MDFIC2: variants seen among roughly 807,000 people sequenced by gnomAD.
The protein encoded by MDFIC2 is myoD family inhibitor domain-containing protein 2.
At chr3:70,268,265 G>A (rs1281056501) in intron 2 of MDFIC2, among the ~76,000 whole-genome samples, 1 of 152,074 alleles carries the variant, frequency 6.6e-6, no homozygotes, top group African/African-American at 2.4e-5. Context: ...GAGCGCAGAA[G>A]TTCGCGACCA....
At chr3:70,311,659 C>G (rs918367906) in intron 2 of MDFIC2, among the ~76,000 whole-genome samples, 4 of 151,920 alleles carry the variant, frequency 2.6e-5, no homozygotes, top group Non-Finnish European at 5.9e-5. Flanking sequence ...ACAAAGTAAT[C>G]TATGTTTCCT....
At chr3:70,277,129 G>T (rs1162597634) in intron 2 of MDFIC2, among the ~76,000 whole-genome samples, 1 of 152,132 alleles carries the variant, frequency 6.6e-6, no homozygotes, top group African/African-American at 2.4e-5. Flanking sequence ...GTGATTAGGT[G>T]AGACCTCGGC....
At chr3:70,274,056 C>CGTGT (rs111792704) in intron 2 of MDFIC2, among the ~76,000 whole-genome samples, 18,773 of 142,688 alleles carry the variant, frequency 0.13, 1,320 homozygotes, top group Non-Finnish European at 0.16. Flanking sequence ...ATTAAACCTC[C>CGTGT]GTGTGTGTGT....
At chr3:70,303,334 G>A (rs1320882842) in intron 2 of MDFIC2, among the ~76,000 whole-genome samples, 1 of 152,126 alleles carries the variant, frequency 6.6e-6, no homozygotes, top group African/African-American at 2.4e-5. Flanking sequence ...GCTAACCCAG[G>A]AGTCAGACTC....
Position 70,211,180 on chromosome 3 carries a change from CT to C in MDFIC2, c.89-4391del, listed in dbSNP as rs528836973. On this transcript the variant is annotated intron_variant, in intron 2 of 3. Transcript: ENST00000567252. ...TTCTTTTCCCATTTTCCTTTCCCTT[CT>C]TTTTTCTTTTCCTTTTCCTTTCCCC... Among the ~76,000 whole-genome samples, 839 of 152,062 alleles carry C rather than the reference CT, an allele frequency of 5.5e-3. 5 individuals carry two copies. The highest frequency in any genetic ancestry group is 0.019 in the African/African-American group (806 of 41,500).
intron 2 of MDFIC2, among the ~76,000 whole-genome samples, chr3:70,240,746 C>A (rs911128538): frequency 6.6e-6 from 1 of 152,030 alleles, no homozygotes; most frequent in African/African-American, 2.4e-5. Context: ...TTATTCTGCA[C>A]GAGAAGACAG....
intron 2 of MDFIC2, among the ~76,000 whole-genome samples, chr3:70,222,877 G>A (rs959712790): frequency 7.9e-5 from 12 of 152,140 alleles, no homozygotes; most frequent in Non-Finnish European, 1.6e-4. Context: ...CTATTGTCAA[G>A]GTCAATCTGA....
intron 2 of MDFIC2, among the ~76,000 whole-genome samples, chr3:70,303,343 T>C (rs1014354002): frequency 2.6e-5 from 4 of 152,140 alleles, no homozygotes; most frequent in Admixed American, 2.0e-4. Context: ...GGAGTCAGAC[T>C]CATGGCCAAA....
intron 2 of MDFIC2, among the ~76,000 whole-genome samples, chr3:70,287,991 G>C (rs1366298189): frequency 2.0e-5 from 3 of 151,564 alleles, no homozygotes; most frequent in Non-Finnish European, 2.9e-5. Flanking sequence ...CTCTTTTGTT[G>C]ATCCTTTCAA....
intron 2 of MDFIC2, among the ~76,000 whole-genome samples, chr3:70,309,490 A>G (rs1702436663): frequency 2.6e-5 from 4 of 152,192 alleles, no homozygotes; most frequent in Admixed American, 1.3e-4. Flanking sequence ...CTCATAAAGC[A>G]AGCATTCTAG....
At chr3:70,206,524 G>T (rs545307606) in intron 3 of MDFIC2, 45 bp downstream of exon 3, 3 of 397,118 alleles carry the variant, frequency 7.6e-6, no homozygotes, top group African/African-American at 4.1e-5. Context: ...GGGGATGGGG[G>T]TTGGGAGCTT....
At chr3:70,311,176 A>C (rs932916469) in intron 2 of MDFIC2, among the ~76,000 whole-genome samples, 3 of 152,210 alleles carry the variant, frequency 2.0e-5, no homozygotes, top group Non-Finnish European at 4.4e-5. Flanking sequence ...TCCTTTTACA[A>C]TATAATAGAT....
chr3:70,215,970 T>C (rs1009360882), intron 2 of MDFIC2, among the ~76,000 whole-genome samples: 1 of 152,104 alleles, frequency 6.6e-6, no homozygotes, highest in African/African-American at 2.4e-5. Flanking sequence ...CATCTTGGTA[T>C]TTTATTTTGA....
intron 2 of MDFIC2, among the ~76,000 whole-genome samples, chr3:70,299,020 G>A (rs1702319122): frequency 6.6e-6 from 1 of 152,132 alleles, no homozygotes; most frequent in Non-Finnish European, 1.5e-5. Flanking sequence ...GAAAAGTAAG[G>A]TGTGAGGATC....
chr3:70,201,992 ATC>A (rs1302675655), intron 3 of MDFIC2, among the ~76,000 whole-genome samples: 2 of 152,110 alleles, frequency 1.3e-5, no homozygotes, highest in Non-Finnish European at 2.9e-5. Flanking sequence ...CTTTGCTTTT[ATC>A]TCTCTCTGAA....
intron 2 of MDFIC2, among the ~76,000 whole-genome samples, chr3:70,253,585 T>G (rs533742203): frequency 6.6e-6 from 1 of 152,212 alleles, no homozygotes; most frequent in Non-Finnish European, 1.5e-5. Flanking sequence ...TAGCCAGGTG[T>G]GGTGATGCAC....
At chr3:70,222,261 T>C (rs1701466971) in intron 2 of MDFIC2, among the ~76,000 whole-genome samples, 1 of 152,186 alleles carries the variant, frequency 6.6e-6, no homozygotes, top group South Asian at 2.1e-4. Context: ...TTTTGGCAAC[T>C]GGAGATGAAG....
At chr3:70,232,316 C>G (rs560333611) in intron 2 of MDFIC2, among the ~76,000 whole-genome samples, 1 of 152,252 alleles carries the variant, frequency 6.6e-6, no homozygotes, top group Admixed American at 6.5e-5. Context: ...CATCTTCAAC[C>G]TTTATCCTCA....
chr3:70,216,593 A>G (rs1372317658), intron 2 of MDFIC2, among the ~76,000 whole-genome samples: 1 of 152,140 alleles, frequency 6.6e-6, no homozygotes, highest in African/African-American at 2.4e-5. Context: ...CTATCTAGAT[A>G]GAGATTTTTT....
Sources: allele counts gnomAD v4.1 joint callset (sites outside exome capture counted in the v4.1 genomes callset), GRCh38; gene constraint gnomAD v4.1.1; transcripts MANE v1.5; gene names NCBI Gene and HGNC (gene_info 2026-07-23, HGNC 2026-07-21).